UTP25: variants seen among roughly 807,000 people sequenced by gnomAD.
The protein encoded by UTP25 is U3 small nucleolar RNA-associated protein 25 homolog.
Under a neutral mutation model 78.9 loss-of-function variants are expected in UTP25, and 50 were observed. That is an observed-to-expected ratio of 0.63 (90% CI 0.50 to 0.80). The LOEUF is 0.80. UTP25 is among the 30% of genes least tolerant of loss of function. The pLI, the probability that UTP25 is intolerant of heterozygous loss-of-function variation, is 0.00. For synonymous variants in UTP25, 329 were observed against 336.5 expected, an observed-to-expected ratio of 0.98 and a Z score of 0.24; for missense variants, 846 against 911.3, an observed-to-expected ratio of 0.93 and a Z score of 0.92.
In UTP25 at chr1:209,857,545, A is replaced by G. The variant is rs889380090; in HGVS notation, c.*6098A>G. 2 of 152,190 alleles carry G rather than the reference A, an allele frequency of 1.3e-5. No homozygotes were observed. The allele number at this position is 152,190 out of a possible 1,614,324, so 9.4% of individuals were successfully genotyped here. ...GTATGTATATATATGCTTTTGCATT[A>G]AAAGGTGGTTTTGAAGGTAACATTT... On this transcript the variant is annotated 3_prime_UTR_variant, in exon 12 of 12. Coordinates refer to ENST00000491415, the MANE Select transcript of UTP25 (RefSeq NM_014388.7).
intron 1 of UTP25, among the ~76,000 whole-genome samples, chr1:209,829,243 C>T (rs1437610867): frequency 6.6e-6 from 1 of 152,144 alleles, no homozygotes; most frequent in Non-Finnish European, 1.5e-5. Flanking sequence ...ATTGAAAATC[C>T]GCTCTTCTAG....
intron 11 of UTP25, among the ~76,000 whole-genome samples, chr1:209,850,453 A>G (rs541423038): frequency 6.6e-6 from 1 of 152,222 alleles, no homozygotes. Flanking sequence ...TCTTCAGTGT[A>G]TGAGAGAAAC....
intron 11 of UTP25, among the ~76,000 whole-genome samples, chr1:209,849,687 C>T (rs1407519942): frequency 6.6e-6 from 1 of 152,202 alleles, no homozygotes; most frequent in African/African-American, 2.4e-5. Context: ...GGAACAAGCT[C>T]ATGAGTGGAT....
In UTP25 at chr1:209,851,348, T is replaced by G; in HGVS notation, c.2172T>G (p.Tyr724Ter). Residue 724 changes from tyrosine (Y) to a stop codon, truncating the protein, a stop_gained, in exon 12 of 12, where the codon TAT (tyrosine) becomes TAG (stop). Coordinates refer to ENST00000491415, the MANE Select transcript of UTP25 (RefSeq NM_014388.7). LOFTEE classifies it high-confidence loss of function. The stretch of plus-strand genomic sequence containing the variant: ...CCTGCACTGTTCTCTACTCCAAATA[T>G]GATGCCCAGAGGTTAGCTGCCGTGG... ...TWTCTVLYSK[Y>*]DAQRLAAVVG... 1 of 1,614,180 alleles carries G rather than the reference T, an allele frequency of 6.2e-7. No individual in the cohort carries two copies. Among genetic ancestry groups the G allele is most frequent in the Non-Finnish European group, 8.5e-7 (1 of 1,180,020 alleles).
chr1:209,852,656 C>G lies in UTP25; in HGVS notation c.*1209C>G. Reference sequence around the variant, plus strand: ...TGTATTTTTTGACAATGAGACATTCCAGGTTTCTCTACTCCAGCCCTGCTT... The same window carrying G: ...TGTATTTTTTGACAATGAGACATTCGAGGTTTCTCTACTCCAGCCCTGCTT... On this transcript the variant is annotated 3_prime_UTR_variant, in exon 12 of 12. Transcript: ENST00000491415. 6.6e-6 allele frequency: 1 copy of G among 152,072 alleles called. No homozygotes were observed. The highest frequency in any genetic ancestry group is 2.4e-5 in the African/African-American group (1 of 41,388). 9.4% of individuals were successfully genotyped at this position (152,072 alleles called of 1,614,324 possible).
At chr1:209,843,416 A>G in intron 10 of UTP25, 35 bp from the exon 11 acceptor site, 1 of 1,610,142 alleles carries the variant, frequency 6.2e-7, no homozygotes, top group East Asian at 2.2e-5. Flanking sequence ...GCTTAGCTCT[A>G]GACATTAATT....
rs1370703218 is a variant in UTP25, at chr1:209,853,477, C to T, written c.*2030C>T. 1 of 152,158 alleles carries T rather than the reference C, an allele frequency of 6.6e-6. No individual in the cohort carries two copies. Among genetic ancestry groups the T allele is most frequent in the East Asian group, 1.9e-4 (1 of 5,184 alleles). The allele number at this position is 152,158 out of a possible 1,614,324, so 9.4% of individuals were successfully genotyped here. On this transcript the variant is annotated 3_prime_UTR_variant, in exon 12 of 12. Transcript: ENST00000491415. ...GTTCAAGCGATTCTCGTGCCTCCGC[C>T]TCCCAAGTAGCTGGGACTACAGGCG... is the stretch of plus-strand genomic sequence containing the variant.
chr1:209,836,721 A>G, intron 5 of UTP25, 80 bp from the exon 6 acceptor site: 4 of 1,450,766 alleles, frequency 2.8e-6, no homozygotes, highest in Non-Finnish European at 3.7e-6. Context: ...TCATGAAAAA[A>G]TTCGCTAAAT....
Position 209,833,325 on chromosome 1 carries a change from A to C in UTP25, c.529A>C (p.Ser177Arg). The C allele has an allele frequency of 6.3e-7, 1 of 1,589,154 alleles. No individual in the cohort carries two copies. Among genetic ancestry groups the C allele is most frequent in the Non-Finnish European group, 8.5e-7 (1 of 1,170,796 alleles). Residue 177 changes from serine to arginine, a missense_variant, in exon 4 of 12, where the codon AGT becomes CGT. Transcript: ENST00000491415. Reference protein sequence around the residue: ...SLETNFLEEESGDNSSLKASQ... With the variant: ...SLETNFLEEERGDNSSLKASQ... ...GGAAACCAATTTTCTGGAAGAGGAA[A>C]GTGGAGACAACTCTTCTTTGAAAGC...
intron 1 of UTP25, among the ~76,000 whole-genome samples, chr1:209,828,382 G>T (rs1303159513): frequency 6.6e-6 from 1 of 150,654 alleles, no homozygotes; most frequent in Non-Finnish European, 1.5e-5. Flanking sequence ...TAAGAGGCAC[G>T]CCCGTTGTGT....
Position 209,851,707 on chromosome 1 carries a change from C to T in UTP25, c.*260C>T. ...CTGAGAAGTTGGTAGAAGAAAACTC[C>T]CACTTGTGAATATTTTTGTGAGACA... On this transcript the variant is annotated 3_prime_UTR_variant, in exon 12 of 12. Coordinates refer to ENST00000491415, the MANE Select transcript of UTP25 (RefSeq NM_014388.7). The T allele has an allele frequency of 3.1e-6, 1 of 323,990 alleles. No individual in the cohort carries two copies. The highest frequency in any genetic ancestry group is 5.6e-6 in the Non-Finnish European group (1 of 178,116). The allele number at this position is 323,990 out of a possible 1,614,324, so 20.1% of individuals were successfully genotyped here.
At chr1:209,850,460 A>G (rs944068108) in intron 11 of UTP25, among the ~76,000 whole-genome samples, 16 of 152,218 alleles carry the variant, frequency 1.1e-4, no homozygotes, top group Admixed American at 4.6e-4. Flanking sequence ...TGTATGAGAG[A>G]AACTTAACAG....
intron 3 of UTP25, among the ~76,000 whole-genome samples, chr1:209,831,583 G>A (rs2078103573): frequency 6.6e-6 from 1 of 152,140 alleles, no homozygotes; most frequent in African/African-American, 2.4e-5. Context: ...CACCTTCATT[G>A]AGGTATCATT....
At chr1:209,847,070 TC>T (rs1411364594) in intron 11 of UTP25, among the ~76,000 whole-genome samples, 1 of 152,184 alleles carries the variant, frequency 6.6e-6, no homozygotes, top group Admixed American at 6.5e-5. Context: ...AAAATTAGGA[TC>T]TTTTTTTGTT....
Position 209,855,857 on chromosome 1 carries a change from C to G in UTP25, c.*4410C>G, listed in dbSNP as rs2078271773. 6.6e-6 allele frequency: 1 copy of G among 152,366 alleles called. No homozygotes were observed. The allele number at this position is 152,366 out of a possible 1,614,324, so 9.4% of individuals were successfully genotyped here. ...TCTCCCAGCTGAGCCAAGGCCAAAG[C>G]TGTCTACCTTTTGCCAACCTAAGGA... On this transcript the variant is annotated 3_prime_UTR_variant, in exon 12 of 12. Transcript: ENST00000491415.
chr1:209,845,928 C>T (rs2078194763), intron 11 of UTP25, among the ~76,000 whole-genome samples: 1 of 147,348 alleles, frequency 6.8e-6, no homozygotes, highest in Admixed American at 6.8e-5. Flanking sequence ...GTGATCTCGG[C>T]CCGCTGCAGC....
At chr1:209,838,780 T>G in intron 6 of UTP25, 129 bp from the exon 7 acceptor site, 1 of 1,002,962 alleles carries the variant, frequency 1.0e-6, no homozygotes, top group Non-Finnish European at 1.6e-6. Flanking sequence ...GCGGGTAACA[T>G]AGGTATGTTT....
At chr1:209,840,446 C>T (rs538016130) in intron 7 of UTP25, among the ~76,000 whole-genome samples, 8 of 152,270 alleles carry the variant, frequency 5.3e-5, no homozygotes, top group African/African-American at 1.7e-4. Flanking sequence ...CATTCTGTGC[C>T]GTTTGTACTT....
rs765378858 is a variant in UTP25, at chr1:209,855,816, A to ATT, written c.*4370_*4371dup. 4 of 152,330 alleles carry ATT rather than the reference A, an allele frequency of 2.6e-5. No individual in the cohort carries two copies. The highest frequency in any genetic ancestry group is 5.9e-5 in the Non-Finnish European group (4 of 68,134). The allele number at this position is 152,330 out of a possible 1,614,324, so 9.4% of individuals were successfully genotyped here. A position where few individuals can be genotyped will look rare whatever the true frequency, so the allele number is the denominator to read the frequency against. ...TTGGCTGATTTAGGAGTTGTGCTGA[A>ATT]TTCCTGCCCATCTGTTCTCCCAGCT... On this transcript the variant is annotated 3_prime_UTR_variant, in exon 12 of 12. Coordinates refer to ENST00000491415, the MANE Select transcript of UTP25 (RefSeq NM_014388.7).
Sources: gnomAD v4.1 joint callset for allele counts (sites outside exome capture counted in the v4.1 genomes callset) on GRCh38, gnomAD v4.1.1 for gene constraint, MANE v1.5 for transcripts, NCBI Gene and HGNC (gene_info 2026-07-23, HGNC 2026-07-21) for gene names.